Variants in BNC2 observed in about 807,000 individuals in gnomAD.
The protein encoded by BNC2 is basonuclin zinc finger protein 2, also known as zinc finger protein basonuclin-2.
In BNC2, 20 loss-of-function variants were observed where a neutral mutation model predicts 76.3. The ratio of observed to expected loss-of-function variants is 0.26; its 90% CI spans 0.18 to 0.38. The LOEUF is 0.38. BNC2 is among the 10% of genes least tolerant of loss of function. The pLI is 1.00. For missense variants in BNC2, 1,382 were observed against 1,399.8 expected, an observed-to-expected ratio of 0.99 and a Z score of 0.20; for synonymous variants, 582 against 514.8, an observed-to-expected ratio of 1.13 and a Z score of -1.77.
intron 3 of BNC2, among the ~76,000 whole-genome samples, chr9:16,642,655 C>T (rs1821520932): frequency 6.6e-6 from 1 of 152,198 alleles, no homozygotes; most frequent in African/African-American, 2.4e-5. Context: ...ATATCCCATG[C>T]TGTCTTAAGA....
chr9:16,616,790 G>GGGAAGGAAGGAGGGAAGGAAGGAAGGAA (rs1820713205), intron 3 of BNC2, among the ~76,000 whole-genome samples: 1 of 10,338 alleles, frequency 9.7e-5, no homozygotes, highest in Non-Finnish European at 5.8e-4. Context: ...GGAGGAAGGA[G>GGGAAGGAAGGAGGGAAGGAAGGAAGGAA]GGAAGGAAGG....
chr9:16,492,742 T>C (rs1293064534), intron 5 of BNC2, among the ~76,000 whole-genome samples: 5 of 149,734 alleles, frequency 3.3e-5, no homozygotes, highest in African/African-American at 1.2e-4. Context: ...TTTTTCTGTA[T>C]AGCTATCCAT....
At chr9:16,457,239 T>A (rs1821471834) in intron 5 of BNC2, among the ~76,000 whole-genome samples, 1 of 152,070 alleles carries the variant, frequency 6.6e-6, no homozygotes, top group South Asian at 2.1e-4. Flanking sequence ...TAGAAAAAAT[T>A]TTCAGGCACA....
At position 16,796,424 on chromosome 9, in the gene BNC2, G is replaced by A. The variant is rs565352395; in HGVS notation, c.4-57939C>T. On this transcript the variant is annotated intron_variant, in intron 1 of 6. Coordinates refer to ENST00000380672, the MANE Select transcript of BNC2 (RefSeq NM_017637.6). ...GAAATAGTACATATTTAATGAAGAA[G>A]TCTCAGGAAGCAAGGAAGTATAGGA... Among the ~76,000 whole-genome samples the A allele has an allele frequency of 2.0e-5, 3 of 152,260 alleles. No individual in the cohort carries two copies. The East Asian group carries it at 5.8e-4, about 29-fold the overall frequency.
intron 1 of BNC2, among the ~76,000 whole-genome samples, chr9:16,742,577 G>A (rs1486417678): frequency 6.6e-6 from 1 of 152,146 alleles, no homozygotes; most frequent in East Asian, 1.9e-4. Context: ...TTTCCTAACA[G>A]AGTCCTTTCT....
chr9:16,515,598 C>G (rs1822858627), intron 5 of BNC2, among the ~76,000 whole-genome samples: 1 of 151,846 alleles, frequency 6.6e-6, no homozygotes, highest in African/African-American at 2.4e-5. Context: ...ACGTCTGTCT[C>G]TAATCATAAA....
Position 16,436,041 on chromosome 9 carries a change from G to C in BNC2, c.2153C>G (p.Pro718Arg), listed in dbSNP as rs753040555. Residue 718 changes from proline to arginine, a missense_variant, in exon 6 of 7, where the codon CCT becomes CGT. Transcript: ENST00000380672. ...ADSMTSEDQE[P>R]ERDYENESES... Reference sequence around the variant, plus strand: ...AGACTCGTTCTCATAGTCCCGCTCAGGTTCTTGGTCTTCAGAAGTCATGCT... The same window carrying C: ...AGACTCGTTCTCATAGTCCCGCTCACGTTCTTGGTCTTCAGAAGTCATGCT... 6 of 1,614,020 alleles carry C rather than the reference G, an allele frequency of 3.7e-6. No individual in the cohort carries two copies. Among genetic ancestry groups the C allele is most frequent in the South Asian group, 3.3e-5 (3 of 91,070 alleles).
At chr9:16,667,101 A>ACACG (rs1554703005) in intron 3 of BNC2, among the ~76,000 whole-genome samples, 41 of 148,880 alleles carry the variant, frequency 2.8e-4, no homozygotes, top group African/African-American at 9.6e-4. Context: ...ACACACACAC[A>ACACG]CACACACGCA....
At chr9:16,511,304 T>C (rs973268544) in intron 5 of BNC2, among the ~76,000 whole-genome samples, 2 of 151,706 alleles carry the variant, frequency 1.3e-5, no homozygotes, top group Non-Finnish European at 2.9e-5. Context: ...AAAGAAAGGG[T>C]CTTGCTATGT....
At chr9:16,451,131 T>A (rs1821331509) in intron 5 of BNC2, among the ~76,000 whole-genome samples, 1 of 152,160 alleles carries the variant, frequency 6.6e-6, no homozygotes, top group Non-Finnish European at 1.5e-5. Flanking sequence ...CTTTGCAGCC[T>A]GGGGAAAATA....
intron 3 of BNC2, among the ~76,000 whole-genome samples, chr9:16,620,149 C>T (rs1181879238): frequency 6.6e-6 from 1 of 152,070 alleles, no homozygotes; most frequent in Non-Finnish European, 1.5e-5. Flanking sequence ...AAGCTTGACG[C>T]CATTGATATG....
intron 1 of BNC2, among the ~76,000 whole-genome samples, chr9:16,786,482 C>CT (rs974191038): frequency 1.3e-5 from 2 of 152,280 alleles, no homozygotes; most frequent in Admixed American, 1.3e-4. Flanking sequence ...ACACACGAGA[C>CT]TTTAAGAGAA....
chr9:16,720,336 G>A (rs1056510030), intron 3 of BNC2, among the ~76,000 whole-genome samples: 3 of 152,194 alleles, frequency 2.0e-5, no homozygotes, highest in Non-Finnish European at 4.4e-5. Flanking sequence ...TGAGAGAGAT[G>A]AGAAGAAAAG....
intron 1 of BNC2, among the ~76,000 whole-genome samples, chr9:16,865,297 T>A (rs956077510): frequency 1.3e-5 from 2 of 151,982 alleles, no homozygotes; most frequent in Non-Finnish European, 2.9e-5. Flanking sequence ...CATTTAGGAG[T>A]TTCACATTCT....
intron 5 of BNC2, among the ~76,000 whole-genome samples, chr9:16,507,026 T>C (rs1822643882): frequency 6.6e-6 from 1 of 152,074 alleles, no homozygotes; most frequent in African/African-American, 2.4e-5. Context: ...AGGGCTGGGA[T>C]TACAGGCATG....
chr9:16,688,867 G>C (rs1446584393), intron 3 of BNC2, among the ~76,000 whole-genome samples: 1 of 152,108 alleles, frequency 6.6e-6, no homozygotes, highest in Non-Finnish European at 1.5e-5. Flanking sequence ...TGGAGGCTGA[G>C]TACATATCTA....
At chr9:16,590,124 C>T (rs573702313) in intron 3 of BNC2, among the ~76,000 whole-genome samples, 2 of 151,976 alleles carry the variant, frequency 1.3e-5, no homozygotes, top group African/African-American at 4.8e-5. Context: ...CCAGTATGTA[C>T]AGCGGTAAAA....
chr9:16,444,041 G>C lies in BNC2; in HGVS notation c.670-6517C>G, dbSNP rs556960043. Among the ~76,000 whole-genome samples, 5 of 152,268 alleles carry C rather than the reference G, an allele frequency of 3.3e-5. No individual in the cohort carries two copies. The East Asian group carries it at 9.6e-4, about 29-fold the overall frequency. ...AACTCTCACACACATAACTCAACAT[G>C]TACAGCTTTCCACTGTTTATAAGCC... On this transcript the variant is annotated intron_variant, in intron 5 of 6. Transcript: ENST00000380672.
chr9:16,724,751 C>G (rs1427914466), intron 3 of BNC2, among the ~76,000 whole-genome samples: 1 of 152,064 alleles, frequency 6.6e-6, no homozygotes, highest in African/African-American at 2.4e-5. Context: ...TCCCTACTTC[C>G]TAGTTTACTA....
Sources: gnomAD v4.1 joint callset for allele counts (sites outside exome capture counted in the v4.1 genomes callset) on GRCh38, gnomAD v4.1.1 for gene constraint, MANE v1.5 for transcripts, NCBI Gene and HGNC (gene_info 2026-07-23, HGNC 2026-07-21) for gene names.